Variants in KALRN observed in about 807,000 individuals in gnomAD.
KALRN encodes kalirin.
Under a neutral mutation model 353.7 loss-of-function variants are expected in KALRN, and 70 were observed. That is an observed-to-expected ratio of 0.20 (90% confidence interval 0.16 to 0.24). The LOEUF (loss-of-function observed/expected upper bound fraction) is 0.24. Ranked by LOEUF, KALRN falls within the 10% of genes least tolerant of loss-of-function variation. KALRN has a pLI of 1.00. For missense variants in KALRN, 2,791 were observed against 3,756.7 expected (o/e 0.74, Z 6.72); for synonymous variants, 1,391 against 1,434.8 (o/e 0.97, Z 0.69).
At chr3:124,690,427 AC>A (rs2061754124) in intron 51 of KALRN, among the ~76,000 whole-genome samples, 1 of 152,178 alleles carries the variant, frequency 6.6e-6, no homozygotes, top group Non-Finnish European at 1.5e-5. Context: ...TAGAAAAAAA[AC>A]ATTAGTGTGG....
chr3:124,434,537 G>C lies in KALRN; in HGVS notation c.3048+12G>C, dbSNP rs958225930. On this transcript the variant is annotated intron_variant, in intron 17 of 59. Transcript: ENST00000682506. Reference sequence around the variant, plus strand: ...AAACTTCTGAACAGGTGAGGGAAAAGACTGTGGGGCTTGTGGGGCTGAGAT... The same window carrying C: ...AAACTTCTGAACAGGTGAGGGAAAACACTGTGGGGCTTGTGGGGCTGAGAT... 1 of 1,613,020 alleles carries C rather than the reference G, an allele frequency of 6.2e-7. No individual in the cohort carries two copies.
intron 33 of KALRN, among the ~76,000 whole-genome samples, chr3:124,547,843 G>A (rs77982241): frequency 0.017 from 2,501 of 146,070 alleles, 64 homozygotes; most frequent in African/African-American, 0.059. Flanking sequence ...TACCAAACAT[G>A]TTGTGAGGTT....
intron 51 of KALRN, among the ~76,000 whole-genome samples, chr3:124,691,476 AG>A (rs2061812815): frequency 6.6e-6 from 1 of 152,228 alleles, no homozygotes; most frequent in African/African-American, 2.4e-5. Flanking sequence ...TGCTGATTGC[AG>A]AATATTTGGG....
chr3:124,573,970 T>G (rs1056981891), intron 34 of KALRN, among the ~76,000 whole-genome samples: 7 of 152,184 alleles, frequency 4.6e-5, no homozygotes, highest in Non-Finnish European at 8.8e-5. Flanking sequence ...AAGGTAACAT[T>G]TGGACCACAT....
chr3:124,304,803 C>G (rs1022783381), intron 6 of KALRN, among the ~76,000 whole-genome samples: 1 of 152,182 alleles, frequency 6.6e-6, no homozygotes, highest in African/African-American at 2.4e-5. Context: ...TTCCTTTACC[C>G]TCCACCCTAG....
At chr3:124,344,196 G>C (rs1560622618) in intron 9 of KALRN, among the ~76,000 whole-genome samples, 1 of 152,194 alleles carries the variant, frequency 6.6e-6, no homozygotes, top group Non-Finnish European at 1.5e-5. Context: ...GATTTGACTA[G>C]AAAGTCAATT....
chr3:124,476,836 C>T (rs1362357237), intron 26 of KALRN, among the ~76,000 whole-genome samples: 1 of 152,200 alleles, frequency 6.6e-6, no homozygotes, highest in Non-Finnish European at 1.5e-5. Flanking sequence ...TGAGATAATA[C>T]TTCATCTTCA....
chr3:124,700,970 T>C (rs965126829), intron 56 of KALRN, among the ~76,000 whole-genome samples: 3 of 152,200 alleles, frequency 2.0e-5, no homozygotes, highest in African/African-American at 7.2e-5. Context: ...GGTCTCTGTT[T>C]CCTCAGAATT....
Position 124,694,372 on chromosome 3 carries a change from C to G in KALRN, c.7446C>G (p.Cys2482Trp). 1 of 1,614,156 alleles carries G rather than the reference C, an allele frequency of 6.2e-7. No homozygotes were observed. Among genetic ancestry groups the G allele is most frequent in the Non-Finnish European group, 8.5e-7 (1 of 1,180,004 alleles). ...EFLVPLVDVTCLLGDTVILQC... is the reference protein window; with the variant it reads ...EFLVPLVDVTWLLGDTVILQC... ...TTGTGCCCTTGGTGGATGTGACCTGCTTGCTTGGGGACACAGTGATACTGC... is the reference window on the plus strand; with the variant it reads ...TTGTGCCCTTGGTGGATGTGACCTGGTTGCTTGGGGACACAGTGATACTGC... The change falls in exon 53 of 60, where the codon TGC becomes TGG. Residue 2482 changes from cysteine (C) to tryptophan (W), a missense_variant. Around this residue, in one of 11 missense-constraint regions of KALRN, gnomAD observed 1,065 missense variants for 1,156.4 expected, o/e 0.92. Coordinates refer to ENST00000682506, the MANE Select transcript of KALRN (RefSeq NM_001388419.1).
chr3:124,446,290 T>C lies in KALRN; in HGVS notation c.3429+14T>C, dbSNP rs766556355. 6 of 1,586,882 alleles carry C rather than the reference T, an allele frequency of 3.8e-6. No individual in the cohort carries two copies. The highest frequency in any genetic ancestry group is 5.2e-6 in the Non-Finnish European group (6 of 1,156,824). ...AGCGCTAAGCAGGTTGTCCAAAGCT[T>C]TCCCTGGCACTATCTCAGTTCTGGG... On this transcript the variant is annotated intron_variant, in intron 20 of 59. Coordinates refer to ENST00000682506, the MANE Select transcript of KALRN (RefSeq NM_001388419.1).
chr3:124,119,428 TA>T (rs1472293475), intron 1 of KALRN, among the ~76,000 whole-genome samples: 1 of 152,232 alleles, frequency 6.6e-6, no homozygotes, highest in African/African-American at 2.4e-5. Context: ...TGTGAATCAT[TA>T]AGACAAACAT....
At chr3:124,368,783 A>G (rs1408308116) in intron 10 of KALRN, among the ~76,000 whole-genome samples, 1 of 151,750 alleles carries the variant, frequency 6.6e-6, no homozygotes, top group East Asian at 1.9e-4. Context: ...TTGAGCACTG[A>G]GTGAACGAGA....
At chr3:124,571,514 T>C (rs375097944) in intron 34 of KALRN, among the ~76,000 whole-genome samples, 1 of 152,230 alleles carries the variant, frequency 6.6e-6, no homozygotes, top group African/African-American at 2.4e-5. Context: ...CTACAGTCAT[T>C]CATATTGCTA....
intron 33 of KALRN, among the ~76,000 whole-genome samples, chr3:124,513,722 G>T (rs893917238): frequency 1.3e-4 from 20 of 152,190 alleles, no homozygotes; most frequent in Non-Finnish European, 2.4e-4. Context: ...GGGAAAAATG[G>T]CAAGAGGAAA....
chr3:124,307,337 C>T (rs772531716), intron 6 of KALRN, among the ~76,000 whole-genome samples: 2 of 151,860 alleles, frequency 1.3e-5, no homozygotes, highest in Non-Finnish European at 2.9e-5. Context: ...ATAAATAAGA[C>T]TAATATGAAA....
chr3:124,501,942 G>A (rs189739297), intron 33 of KALRN, among the ~76,000 whole-genome samples: 37 of 152,308 alleles, frequency 2.4e-4, no homozygotes, highest in South Asian at 8.3e-4. Flanking sequence ...TGTAAATTGC[G>A]TCAGAGATAA....
At chr3:124,666,402 CGCT>C (rs769726129) in intron 45 of KALRN, 44 bp from the exon 46 acceptor site, 4 of 1,577,416 alleles carry the variant, frequency 2.5e-6, no homozygotes, top group Non-Finnish European at 8.7e-7. Flanking sequence ...GGCAGTGGCT[CGCT>C]CCCCATTTTT....
intron 44 of KALRN, 75 bp from the exon 45 acceptor site, chr3:124,661,776 C>T: frequency 1.7e-6 from 2 of 1,144,568 alleles, no homozygotes; most frequent in Non-Finnish European, 1.3e-6. Flanking sequence ...TCCCTGTTTT[C>T]CAGCACTGAA....
intron 1 of KALRN, among the ~76,000 whole-genome samples, chr3:124,056,427 A>G (rs1176703923): frequency 1.3e-5 from 2 of 152,124 alleles, no homozygotes; most frequent in Admixed American, 6.5e-5. Context: ...GCTCTCAGCT[A>G]TTATGCACTG....
Sources: gnomAD v4.1 joint callset for allele counts (sites outside exome capture counted in the v4.1 genomes callset) on GRCh38, gnomAD v4.1.1 for gene constraint, gnomAD v4.1.1 regional missense constraint, MANE v1.5 for transcripts, NCBI Gene and HGNC (gene_info 2026-07-23, HGNC 2026-07-21) for gene names.